PARP14: variants seen among roughly 807,000 people sequenced by gnomAD.
The protein encoded by PARP14 is protein mono-ADP-ribosyltransferase PARP14.
Under a neutral mutation model 154.2 loss-of-function variants are expected in PARP14, and 59 were observed. The ratio of observed to expected loss-of-function variants is 0.38; its 90% confidence interval spans 0.31 to 0.48. The LOEUF is 0.48. Ranked by LOEUF, PARP14 falls within the 20% of genes least tolerant of loss-of-function variation. The pLI, the probability that PARP14 is intolerant of heterozygous loss-of-function variation, is 0.98. For missense variants in PARP14, 1,734 were observed against 2,131.6 expected (o/e 0.81, Z 3.67); for synonymous variants, 720 against 780.5 (o/e 0.92, Z 1.29).
At chr3:122,698,120 T>C (rs939224940) in intron 5 of PARP14, among the ~76,000 whole-genome samples, 3 of 152,186 alleles carry the variant, frequency 2.0e-5, no homozygotes, top group Non-Finnish European at 4.4e-5. Context: ...GGCTCAGGGC[T>C]GCCACAGAGC....
Position 122,703,865 on chromosome 3 carries a change from G to T in PARP14, c.3205G>T (p.Val1069Leu). Residue 1069 changes from valine to leucine, a missense_variant, in exon 7 of 17, where the codon GTG becomes TTG. By Grantham distance (32) the Val-to-Leu change is conservative. Around this residue, in one of 2 missense-constraint regions of PARP14, gnomAD observed 1,646 missense variants for 1,976.0 expected, o/e 0.83. Coordinates refer to ENST00000474629, the MANE Select transcript of PARP14 (RefSeq NM_017554.3). ...QEELDTVGQGVAVSMGTVLKT... is the reference protein window; with the variant it reads ...QEELDTVGQGLAVSMGTVLKT... ...GGAATTGGACACAGTTGGACAAGGG[G>T]TGGCTGTCAGCATGGGCACAGTGCT... 2 of 1,614,014 alleles carry T rather than the reference G, an allele frequency of 1.2e-6. No homozygotes were observed. Among genetic ancestry groups the T allele is most frequent in the Non-Finnish European group, 1.7e-6 (2 of 1,179,894 alleles).
At chr3:122,713,738 T>C (rs1939394785) in intron 10 of PARP14, 134 bp from the exon 11 acceptor site, 1 of 873,700 alleles carries the variant, frequency 1.1e-6, no homozygotes, top group Non-Finnish European at 1.8e-6. Flanking sequence ...TGAAGTTTTC[T>C]TCTTTGTCAT....
chr3:122,692,567 T>C (rs1478050839), intron 4 of PARP14, 24 bp downstream of exon 4: 1 of 1,590,362 alleles, frequency 6.3e-7, no homozygotes, highest in Admixed American at 1.7e-5. Flanking sequence ...ACACTTCCTC[T>C]GCCTGTCTTC....
intron 6 of PARP14, among the ~76,000 whole-genome samples, chr3:122,702,142 C>T (rs1176882357): frequency 1.3e-5 from 2 of 152,110 alleles, no homozygotes; most frequent in African/African-American, 4.8e-5. Context: ...GTTACAGGTG[C>T]CAGGCAATAT....
intron 8 of PARP14, among the ~76,000 whole-genome samples, chr3:122,707,380 C>CAGATAAAT (rs140946721): frequency 7.2e-6 from 1 of 139,682 alleles, no homozygotes; most frequent in African/African-American, 2.6e-5. Flanking sequence ...GACTCCATCT[C>CAGATAAAT]AAATAAATAA....
chr3:122,695,227 G>T (rs1212764100), intron 4 of PARP14, among the ~76,000 whole-genome samples, 199 bp from the exon 5 acceptor site: 1 of 152,212 alleles, frequency 6.6e-6, no homozygotes, highest in East Asian at 1.9e-4. Context: ...ATCCAAGTAA[G>T]ACATTCGTGT....
chr3:122,685,507 G>T (rs890655605), intron 2 of PARP14, among the ~76,000 whole-genome samples, 189 bp downstream of exon 2: 1 of 146,552 alleles, frequency 6.8e-6, no homozygotes, highest in Non-Finnish European at 1.5e-5. Flanking sequence ...GTAGGAGGGG[G>T]TACTTTTTTT....
chr3:122,699,158 C>T (rs552599428), intron 5 of PARP14, among the ~76,000 whole-genome samples: 9 of 152,214 alleles, frequency 5.9e-5, no homozygotes, highest in South Asian at 2.1e-4. Flanking sequence ...CTTTTTAATA[C>T]GCTGTAACAT....
At chr3:122,705,523 C>T (rs1939127812) in intron 8 of PARP14, among the ~76,000 whole-genome samples, 1 of 152,208 alleles carries the variant, frequency 6.6e-6, no homozygotes, top group Non-Finnish European at 1.5e-5. Flanking sequence ...GTTCATGATT[C>T]AGCTCACATC....
rs1335000657 is a variant in PARP14 at position 122,703,726 on chromosome 3, T to G, written c.3082-16T>G. On this transcript the variant is annotated splice_polypyrimidine_tract_variant and intron_variant, in intron 6 of 16. Coordinates refer to ENST00000474629, the MANE Select transcript of PARP14 (RefSeq NM_017554.3). ...TTTGTTAAAATTTGAAACAAATTTT[T>G]GGTTTTGTCTTTAAGACCGATGTTG... The G allele has an allele frequency of 2.0e-6, 3 of 1,497,402 alleles. No homozygotes were observed. Among genetic ancestry groups the G allele is most frequent in the Non-Finnish European group, 2.7e-6 (3 of 1,100,928 alleles). 92.8% of individuals were successfully genotyped at this position (1,497,402 alleles called of 1,614,324 possible).
At chr3:122,723,649 C>T (rs1933213871) in intron 15 of PARP14, among the ~76,000 whole-genome samples, 1 of 152,150 alleles carries the variant, frequency 6.6e-6, no homozygotes, top group Non-Finnish European at 1.5e-5. Flanking sequence ...ACATCAGGAA[C>T]CTCAGATGGT....
intron 14 of PARP14, among the ~76,000 whole-genome samples, chr3:122,719,890 G>A (rs901146216): frequency 7.2e-5 from 11 of 152,186 alleles, no homozygotes; most frequent in Non-Finnish European, 1.2e-4. Flanking sequence ...GAACACTGTA[G>A]GGAAATAATT....
At chr3:122,683,956 G>GTTT (rs1476611024) in intron 1 of PARP14, among the ~76,000 whole-genome samples, 1 of 152,162 alleles carries the variant, frequency 6.6e-6, no homozygotes, top group Admixed American at 6.5e-5. Flanking sequence ...CCTTGGTTTA[G>GTTT]TAAAGCCCTT....
chr3:122,682,848 C>T (rs536974141), intron 1 of PARP14, among the ~76,000 whole-genome samples: 2 of 152,104 alleles, frequency 1.3e-5, no homozygotes, highest in East Asian at 1.9e-4. Context: ...TTGAGGAGAT[C>T]GAGACCATCC....
intron 3 of PARP14, among the ~76,000 whole-genome samples, chr3:122,690,412 T>C (rs1466458528): frequency 1.3e-5 from 2 of 152,202 alleles, no homozygotes; most frequent in Non-Finnish European, 2.9e-5. Flanking sequence ...TAATTTAGCA[T>C]GAGTGTGTGT....
intron 1 of PARP14, among the ~76,000 whole-genome samples, chr3:122,684,913 C>G (rs534501239): frequency 6.6e-6 from 1 of 152,314 alleles, no homozygotes; most frequent in East Asian, 1.9e-4. Context: ...ACAAAACAGT[C>G]TCCATTAACC....
intron 10 of PARP14, 23 bp downstream of exon 10, chr3:122,713,596 T>C: frequency 6.2e-7 from 1 of 1,603,772 alleles, no homozygotes; most frequent in Non-Finnish European, 8.5e-7. Flanking sequence ...TTTTGATGAG[T>C]GCAATAGTTA....
At chr3:122,685,156 G>C in intron 1 of PARP14, 29 bp from the exon 2 acceptor site, 1 of 1,605,876 alleles carries the variant, frequency 6.2e-7, no homozygotes, top group Non-Finnish European at 8.5e-7. Context: ...CTTGTCATTT[G>C]TCTTTTTTCC....
chr3:122,692,331 C>T lies in PARP14; in HGVS notation c.386C>T (p.Pro129Leu). 6.2e-7 allele frequency: 1 copy of T among 1,612,606 alleles called. No homozygotes were observed. Among genetic ancestry groups the T allele is most frequent in the Non-Finnish European group, 8.5e-7 (1 of 1,178,738 alleles). The change falls in exon 4 of 17, where the codon CCT (proline) becomes CTT (leucine). Residue 129 changes from proline to leucine, a missense_variant. This residue lies in a region of PARP14 where 1,646 missense variants were observed against 1,976.0 expected (regional missense o/e 0.83). Transcript: ENST00000474629. ...TCAGAAGAATTGGATACAAAACTCC[C>T]TCTTGATGGTGGATTAGACAAAATG... ...DVSEELDTKL[P>L]LDGGLDKMED...
Sources: gnomAD v4.1 joint callset for allele counts (sites outside exome capture counted in the v4.1 genomes callset) on GRCh38, gnomAD v4.1.1 for gene constraint, gnomAD v4.1.1 regional missense constraint, MANE v1.5 for transcripts, NCBI Gene and HGNC (gene_info 2026-07-23, HGNC 2026-07-21) for gene names.